The following ATP2B1 variants were observed in gnomAD, a reference collection of about 807,000 sequenced individuals.
ATP2B1 encodes ATPase plasma membrane Ca2+ transporting 1.
Under a neutral mutation model 124.2 loss-of-function variants are expected in ATP2B1, and 14 were observed. The ratio of observed to expected loss-of-function variants is 0.11; its 90% confidence interval spans 0.07 to 0.18. The LOEUF (loss-of-function observed/expected upper bound fraction) is 0.18. ATP2B1 is among the 10% of genes least tolerant of loss of function. The pLI is 1.00. For synonymous variants in ATP2B1, 449 were observed against 492.4 expected, an observed-to-expected ratio of 0.91 and a Z score of 1.17; for missense variants, 763 against 1,466.1, an observed-to-expected ratio of 0.52 and a Z score of 7.83.
At position 89,677,963 on chromosome 12, in the gene ATP2B1, TATATATATACACACACAC is replaced by T. The variant is rs1302068514; in HGVS notation, c.-221-21874_-221-21857del. Among the ~76,000 whole-genome samples, 13 of 100,864 alleles carry T rather than the reference TATATATATACACACACAC, an allele frequency of 1.3e-4. 1 individual carries two copies. The highest frequency in any genetic ancestry group is 3.6e-4 in the South Asian group (1 of 2,764). The allele number at this position is 100,864 out of a possible 152,430, so 66.2% of individuals were successfully genotyped here. ...TGGGGGCATGCAGGAATTATATATA[TATATATATACACACACAC>T]ACACACACACACACACACACACACA... On this transcript the variant is annotated intron_variant, in intron 1 of 20. Transcript: ENST00000428670.
chr12:89,610,010 T>G lies in ATP2B1; in HGVS notation c.2369A>C (p.Gln790Pro), dbSNP rs1179897204. 1 of 1,613,628 alleles carries G rather than the reference T, an allele frequency of 6.2e-7. No individual in the cohort carries two copies. The highest frequency in any genetic ancestry group is 8.5e-7 in the Non-Finnish European group (1 of 1,179,768). The change falls in exon 15 of 21, where the codon CAG becomes CCG. Residue 790 changes from glutamine to proline, a missense_variant. Gln to Pro is a moderately conservative substitution (Grantham distance 76). Coordinates refer to ENST00000428670, the MANE Select transcript of ATP2B1 (RefSeq NM_001366521.1). ...ACCATCACCAGTTACAGCTACAACC[T>G]GGCGTTGGTCTGAGACAGTGCTGTC... ...IIDSTVSDQR[Q>P]VVAVTGDGTN... is the part of the protein sequence containing the mutation.
chr12:89,688,854 T>C (rs1890243493), intron 1 of ATP2B1, among the ~76,000 whole-genome samples: 1 of 152,056 alleles, frequency 6.6e-6, no homozygotes, highest in East Asian at 1.9e-4. Context: ...CCCCCAAATC[T>C]TCCTTATGTC....
rs545931417 is a variant in ATP2B1, at chr12:89,702,783, G to A, written c.-222+5813C>T. 1.8e-3 allele frequency among the ~76,000 whole-genome samples: 277 copies of A among 152,060 alleles called. 2 individuals carry two copies. The highest frequency in any genetic ancestry group is 3.4e-3 in the Non-Finnish European group (229 of 67,968). On this transcript the variant is annotated intron_variant, in intron 1 of 20. Coordinates refer to ENST00000428670, the MANE Select transcript of ATP2B1 (RefSeq NM_001366521.1). ...TGACAGTAGTATTACTACAAAAGCA[G>A]GTATCCCATATTTTAAGAAACCATA...
At chr12:89,610,743 C>T in intron 13 of ATP2B1, 1 of 456,664 alleles carries the variant, frequency 2.2e-6, no homozygotes. Context: ...GACTTTGATG[C>T]ATACTCAAGT....
chr12:89,650,599 T>C lies in ATP2B1; in HGVS notation c.208+5080A>G, dbSNP rs528798083. 5.3e-5 allele frequency among the ~76,000 whole-genome samples: 8 copies of C among 152,346 alleles called. No individual in the cohort carries two copies. The East Asian group carries it at 9.6e-4, about 18-fold the overall frequency. On this transcript the variant is annotated intron_variant, in intron 2 of 20. Coordinates refer to ENST00000428670, the MANE Select transcript of ATP2B1 (RefSeq NM_001366521.1). ...CACCACTTAAAAGCTTAGTGTCTCA[T>C]TTGCTTTCTTGCCCTTTACAAGTCC...
chr12:89,677,271 T>C (rs1888732571), intron 1 of ATP2B1, among the ~76,000 whole-genome samples: 2 of 152,154 alleles, frequency 1.3e-5, no homozygotes, highest in African/African-American at 4.8e-5. Context: ...AGAGCCCAGC[T>C]GTTTTGAGTG....
chr12:89,603,402 ACT>A lies in ATP2B1; in HGVS notation c.2849-150_2849-149del, dbSNP rs1350006112. 1.4e-6 allele frequency: 1 copy of A among 705,358 alleles called. No individual in the cohort carries two copies. The highest frequency in any genetic ancestry group is 1.8e-5 in the African/African-American group (1 of 55,618). The allele number at this position is 705,358 out of a possible 1,614,324, so 43.7% of individuals were successfully genotyped here. On this transcript the variant is annotated intron_variant, in intron 17 of 20. Transcript: ENST00000428670. This position sits in a 1 kb window ranked among gnomAD's most constrained non-coding sequence, Gnocchi z 4.3. The stretch of plus-strand genomic sequence containing the variant: ...GAGAAACCTGGGATTATCTAGTACA[ACT>A]CTCTTGTTTTATAGGCAAGGAAACA...
chr12:89,642,445 C>T, intron 2 of ATP2B1, 90 bp from the exon 3 acceptor site: 1 of 1,188,078 alleles, frequency 8.4e-7, no homozygotes, highest in Non-Finnish European at 1.2e-6. Context: ...ACTCATCACT[C>T]TAGACCCTAC....
intron 1 of ATP2B1, among the ~76,000 whole-genome samples, chr12:89,670,395 G>T (rs568515852): frequency 6.9e-6 from 1 of 145,906 alleles, no homozygotes; most frequent in Non-Finnish European, 1.5e-5. Flanking sequence ...CAATTGTTAC[G>T]CATTCTGACT....
chr12:89,599,629 T>G (rs1410209180), intron 19 of ATP2B1, among the ~76,000 whole-genome samples: 1 of 152,136 alleles, frequency 6.6e-6, no homozygotes. Flanking sequence ...CTATTTATTT[T>G]GAATACAATG....
At chr12:89,607,076 C>T (rs1565810518) in intron 15 of ATP2B1, among the ~76,000 whole-genome samples, 1 of 152,098 alleles carries the variant, frequency 6.6e-6, no homozygotes, top group African/African-American at 2.4e-5. Context: ...AATCACAAAA[C>T]GTTAAACTGC....
chr12:89,668,805 T>G lies in ATP2B1; in HGVS notation c.-221-12698A>C, dbSNP rs377406078. ...AATCAGCATCCCTTCTCTCATCCAT[T>G]TGTTCCAATATAGCTCTTAGATTTC... On this transcript the variant is annotated intron_variant, in intron 1 of 20. Transcript: ENST00000428670. 2.0e-5 allele frequency among the ~76,000 whole-genome samples: 3 copies of G among 152,174 alleles called. No homozygotes were observed. In the East Asian group the frequency reaches 5.8e-4, roughly 29 times the overall value.
intron 12 of ATP2B1, among the ~76,000 whole-genome samples, chr12:89,613,889 C>T (rs939305372): frequency 1.3e-5 from 2 of 152,182 alleles, no homozygotes; most frequent in Admixed American, 6.5e-5. Flanking sequence ...TGGATTTGTT[C>T]TAGACATCTA....
intron 20 of ATP2B1, chr12:89,598,689 G>T (rs910951645): frequency 3.1e-6 from 5 of 1,613,858 alleles, no homozygotes; most frequent in African/African-American, 1.3e-5. Flanking sequence ...GAGGGTTGCC[G>T]CCTTAGAGCC....
At chr12:89,595,283 T>G (rs995325711) in intron 20 of ATP2B1, among the ~76,000 whole-genome samples, 1 of 152,048 alleles carries the variant, frequency 6.6e-6, no homozygotes, top group Admixed American at 6.6e-5. Context: ...AGCTGTAGTT[T>G]GCTGATCCTT....
chr12:89,708,958 G>A (rs1892880539), upstream of ATP2B1: 1 of 151,610 alleles, frequency 6.6e-6, no homozygotes, highest in South Asian at 2.1e-4. Context: ...CGGCTCCGCA[G>A]AGCGGCACAC....
At chr12:89,608,436 A>C (rs12099471) in intron 15 of ATP2B1, among the ~76,000 whole-genome samples, 2 of 151,966 alleles carry the variant, frequency 1.3e-5, no homozygotes. Flanking sequence ...TCAGCCTCCC[A>C]AAGTGCTGGG....
chr12:89,676,001 AT>A (rs532531281), intron 1 of ATP2B1, among the ~76,000 whole-genome samples: 59 of 152,238 alleles, frequency 3.9e-4, no homozygotes, highest in African/African-American at 1.3e-3. Flanking sequence ...TTGTCATCAA[AT>A]GTTTCCTCAT....
chr12:89,612,635 G>C (rs1280396244), intron 12 of ATP2B1, among the ~76,000 whole-genome samples: 1 of 152,156 alleles, frequency 6.6e-6, no homozygotes, highest in Non-Finnish European at 1.5e-5. Flanking sequence ...GGCTAACTTT[G>C]AACTGCAGCC....
Sources: gnomAD v4.1 joint callset for allele counts (sites outside exome capture counted in the v4.1 genomes callset) on GRCh38, gnomAD v4.1.1 for gene constraint, Gnocchi (gnomAD v3.1) non-coding constraint, MANE v1.5 for transcripts, NCBI Gene and HGNC (gene_info 2026-07-23, HGNC 2026-07-21) for gene names.